RASGEF1C: variants seen among roughly 807,000 people sequenced by gnomAD.
The protein encoded by RASGEF1C is ras-GEF domain-containing family member 1C.
A neutral mutation model predicts 58.1 loss-of-function variants in RASGEF1C; 27 were observed. The ratio of observed to expected loss-of-function variants is 0.46; its 90% CI spans 0.34 to 0.64. RASGEF1C has a LOEUF of 0.64. Among genes scored for constraint, RASGEF1C ranks in the 30% least tolerant of loss-of-function variants. RASGEF1C has a pLI of 0.01. For synonymous variants in RASGEF1C, 243 were observed against 246.3 expected (o/e 0.99, Z 0.13); for missense variants, 502 against 605.1 (o/e 0.83, Z 1.79).
intron 1 of RASGEF1C, among the ~76,000 whole-genome samples, chr5:180,208,007 A>T (rs1756518979): frequency 6.6e-6 from 1 of 152,132 alleles, no homozygotes; most frequent in South Asian, 2.1e-4. Flanking sequence ...GTGAGCACTT[A>T]CGGGGGCAGG....
chr5:180,190,512 T>A (rs10479463), intron 1 of RASGEF1C, among the ~76,000 whole-genome samples: 2,760 of 102,124 alleles, frequency 0.027, 100 homozygotes, highest in East Asian at 0.16. Context: ...AAAAAAATAA[T>A]AATAATAATA....
rs897012440 is a variant in RASGEF1C, at chr5:180,177,147, G to A, written c.-7+31881C>T. On this transcript the variant is annotated intron_variant, in intron 1 of 13. Coordinates refer to ENST00000361132, the MANE Select transcript of RASGEF1C (RefSeq NM_175062.4). This position sits in a 1 kb window ranked among gnomAD's most constrained non-coding sequence, Gnocchi z 5.0. The stretch of plus-strand genomic sequence containing the variant: ...ACTCTCAGAGCCTGACGGAGGGGCT[G>A]GATGAGGGGCAGTGGGATGGGGGGC... 5.3e-5 allele frequency among the ~76,000 whole-genome samples: 8 copies of A among 152,308 alleles called. No individual in the cohort carries two copies. The East Asian group carries it at 9.7e-4, about 18-fold the overall frequency.
At chr5:180,206,704 T>C (rs1464437755) in intron 1 of RASGEF1C, among the ~76,000 whole-genome samples, 1 of 152,196 alleles carries the variant, frequency 6.6e-6, no homozygotes, top group Non-Finnish European at 1.5e-5. Context: ...AGGACATAAT[T>C]TGAATAAACA....
At chr5:180,167,858 A>T (rs1767044349) in intron 1 of RASGEF1C, among the ~76,000 whole-genome samples, 1 of 152,220 alleles carries the variant, frequency 6.6e-6, no homozygotes, top group African/African-American at 2.4e-5. Context: ...GAGAATATTT[A>T]TATTTTTGTT....
intron 12 of RASGEF1C, among the ~76,000 whole-genome samples, chr5:180,109,445 G>A (rs184779968): frequency 9.2e-5 from 14 of 152,170 alleles, no homozygotes; most frequent in South Asian, 4.1e-4. Flanking sequence ...GTGACAGAGC[G>A]AGACTCCGTC....
rs557517127 is a variant in RASGEF1C at position 180,144,238 on chromosome 5, G to A, written c.-6-6180C>T. ...CGCCATGGTTCCCCATGGCTTCTGT[G>A]CTGGCTGCAGCTGGGGCGACCCTCT... On this transcript the variant is annotated intron_variant, in intron 1 of 13. Transcript: ENST00000361132. Among the ~76,000 whole-genome samples, 7 of 152,278 alleles carry A rather than the reference G, an allele frequency of 4.6e-5. No homozygotes were observed. In the South Asian group the frequency reaches 1.5e-3, roughly 32 times the overall value.
chr5:180,114,588 G>A (rs760312923), intron 10 of RASGEF1C, 47 bp from the exon 11 acceptor site: 1 of 1,562,854 alleles, frequency 6.4e-7, no homozygotes, highest in Non-Finnish European at 8.7e-7. Context: ...CCTCCACACA[G>A]CGGGCTCCAG....
chr5:180,172,292 C>T (rs1250181609), intron 1 of RASGEF1C, among the ~76,000 whole-genome samples: 1 of 152,148 alleles, frequency 6.6e-6, no homozygotes, highest in Non-Finnish European at 1.5e-5. Flanking sequence ...ACCTGCTCCC[C>T]CAGCCCTTAG....
At chr5:180,187,534 A>G (rs1440015548) in intron 1 of RASGEF1C, among the ~76,000 whole-genome samples, 1 of 152,176 alleles carries the variant, frequency 6.6e-6, no homozygotes, top group Non-Finnish European at 1.5e-5. Flanking sequence ...AAAACTATAA[A>G]ATATTATTTA....
chr5:180,190,507 AATAATAATAAT>A (rs1221692822), intron 1 of RASGEF1C, among the ~76,000 whole-genome samples: 5 of 97,340 alleles, frequency 5.1e-5, no homozygotes, highest in Non-Finnish European at 8.6e-5. Context: ...AAAAAAAAAA[AATAATAATAAT>A]AATAATAATA....
rs1756548235 is a variant in RASGEF1C at position 180,209,018 on chromosome 5, C to T, written c.-7+10G>A. ...CACCGCCAGGTGTCCCTCGGCCGCG[C>T]ACCACTCACCGGCTCCCGGCGCGCC... is the stretch of plus-strand genomic sequence containing the variant. On this transcript the variant is annotated intron_variant, in intron 1 of 13. Transcript: ENST00000361132. 6.8e-6 allele frequency: 1 copy of T among 146,956 alleles called. No homozygotes were observed. 9.1% of individuals were successfully genotyped at this position (146,956 alleles called of 1,614,324 possible). A position where few individuals can be genotyped will look rare whatever the true frequency, so the allele number is the denominator to read the frequency against.
Position 180,119,441 on chromosome 5 carries a change from T to C in RASGEF1C, c.812A>G (p.Lys271Arg). 1.2e-6 allele frequency: 2 copies of C among 1,614,046 alleles called. No individual in the cohort carries two copies. Among genetic ancestry groups the C allele is most frequent in the Non-Finnish European group, 8.5e-7 (1 of 1,179,928 alleles). The change falls in exon 8 of 14, where the codon AAG (lysine) becomes AGG (arginine). Residue 271 changes from lysine to arginine, a missense_variant. By Grantham distance (26) the Lys-to-Arg change is conservative. Transcript: ENST00000361132. ...LVATEICMPA[K>R]KKQRAQVIEF... ...AATCACCTGGGCCCTCTGCTTCTTC[T>C]TGGCTGGCTGGGGACAGGGCAGCAG...
At chr5:180,186,209 T>A (rs1237251798) in intron 1 of RASGEF1C, among the ~76,000 whole-genome samples, 1 of 150,750 alleles carries the variant, frequency 6.6e-6, no homozygotes, top group East Asian at 1.9e-4. Flanking sequence ...AAGAAATAAA[T>A]GGCTTTGAAA....
intron 1 of RASGEF1C, among the ~76,000 whole-genome samples, chr5:180,191,813 G>A (rs2127562916): frequency 6.6e-6 from 1 of 152,298 alleles, no homozygotes; most frequent in East Asian, 1.9e-4. Context: ...AGTTCCTAAG[G>A]CTCAGGATTC....
At chr5:180,117,432 G>A (rs188407889) in intron 10 of RASGEF1C, among the ~76,000 whole-genome samples, 111 of 152,370 alleles carry the variant, frequency 7.3e-4, no homozygotes, top group African/African-American at 2.4e-3. Flanking sequence ...TCAAGCTGGA[G>A]ACAGACATGC....
Position 180,128,425 on chromosome 5 carries a change from C to T in RASGEF1C, c.624G>A (p.Leu208=), listed in dbSNP as rs1368558498. ...CSDPYTLAQQ[L]THVELERLRH... ...GCCGGCTTACCAGTTCCACGTGGGTCAGCTGCTGGGCCAGTGTGTAGGGGT... is the reference window on the plus strand; with the variant it reads ...GCCGGCTTACCAGTTCCACGTGGGTTAGCTGCTGGGCCAGTGTGTAGGGGT... Residue 208 remains leucine, a synonymous_variant, in exon 5 of 14, where the codon CTG becomes CTA. Coordinates refer to ENST00000361132, the MANE Select transcript of RASGEF1C (RefSeq NM_175062.4). The T allele has an allele frequency of 1.2e-6, 2 of 1,613,686 alleles. No homozygotes were observed. The highest frequency in any genetic ancestry group is 1.7e-6 in the Non-Finnish European group (2 of 1,179,988).
chr5:180,161,065 T>C (rs28592916), intron 1 of RASGEF1C, among the ~76,000 whole-genome samples: 24,463 of 152,180 alleles, frequency 0.16, 2,174 homozygotes, highest in African/African-American at 0.21. Flanking sequence ...CATTTCCCCA[T>C]TCACACAGGC....
chr5:180,148,500 A>G (rs1183543962), intron 1 of RASGEF1C, among the ~76,000 whole-genome samples: 2 of 151,268 alleles, frequency 1.3e-5, no homozygotes, highest in African/African-American at 4.9e-5. Context: ...TGTATATCCT[A>G]TAGCTACTTT....
At chr5:180,186,634 C>T (rs1756047519) in intron 1 of RASGEF1C, among the ~76,000 whole-genome samples, 2 of 152,212 alleles carry the variant, frequency 1.3e-5, no homozygotes, top group Admixed American at 6.5e-5. Context: ...AATGCAATCT[C>T]TAGCAAAATT....
Sources: gnomAD v4.1 joint callset for allele counts (sites outside exome capture counted in the v4.1 genomes callset) on GRCh38, gnomAD v4.1.1 for gene constraint, Gnocchi (gnomAD v3.1) non-coding constraint, MANE v1.5 for transcripts, NCBI Gene and HGNC (gene_info 2026-07-23, HGNC 2026-07-21) for gene names.